The following RARB variants were observed in gnomAD, a reference collection of about 807,000 sequenced individuals.
RARB encodes HBV-activated protein.
In RARB, 17 loss-of-function variants were observed where a neutral mutation model predicts 51.9. That is an observed-to-expected ratio of 0.33 (90% CI 0.22 to 0.49). The LOEUF is 0.49. Ranked by LOEUF, RARB falls within the 20% of genes least tolerant of loss-of-function variation. The pLI is 0.99. For synonymous variants in RARB, 215 were observed against 195.4 expected, an observed-to-expected ratio of 1.10 and a Z score of -0.84; for missense variants, 369 against 550.8, an observed-to-expected ratio of 0.67 and a Z score of 3.30.
intron 2 of RARB, among the ~76,000 whole-genome samples, chr3:24,910,256 G>A (rs539841625): frequency 1.3e-5 from 2 of 152,238 alleles, no homozygotes; most frequent in South Asian, 2.1e-4. Flanking sequence ...GCAAAAAAAC[G>A]TTGAATTGCA....
intron 4 of RARB, among the ~76,000 whole-genome samples, chr3:25,580,176 C>T (rs1315163583): frequency 2.0e-5 from 3 of 152,076 alleles, no homozygotes; most frequent in Admixed American, 6.5e-5. Context: ...AGATCGAGAC[C>T]ATCCTGGCTA....
chr3:25,233,541 A>T (rs1172888726), intron 5 of RARB, among the ~76,000 whole-genome samples: 3 of 152,028 alleles, frequency 2.0e-5, no homozygotes, highest in Non-Finnish European at 4.4e-5. Flanking sequence ...TATTTCTTTT[A>T]ATTACTTTAT....
chr3:25,246,821 G>T (rs1336711062), intron 5 of RARB, among the ~76,000 whole-genome samples: 1 of 152,188 alleles, frequency 6.6e-6, no homozygotes, highest in Non-Finnish European at 1.5e-5. Context: ...TGAGGACGCA[G>T]TCTGTCCCTT....
chr3:25,202,646 C>A (rs969143392), intron 5 of RARB, among the ~76,000 whole-genome samples: 3 of 152,044 alleles, frequency 2.0e-5, no homozygotes, highest in South Asian at 2.1e-4. Context: ...CTTTGTTCTC[C>A]TTGGTTTCAA....
intron 2 of RARB, among the ~76,000 whole-genome samples, chr3:25,003,963 C>A (rs545238343): frequency 6.6e-6 from 1 of 152,212 alleles, no homozygotes; most frequent in South Asian, 2.1e-4. Flanking sequence ...GCATGCAGGT[C>A]ATGCATAATA....
At chr3:24,880,172 A>T (rs1006775612) in intron 2 of RARB, among the ~76,000 whole-genome samples, 5 of 151,454 alleles carry the variant, frequency 3.3e-5, no homozygotes, top group African/African-American at 1.2e-4. Context: ...ATGGATTCTG[A>T]TCTGTTATAC....
At chr3:25,507,574 G>A (rs1697673061) in intron 3 of RARB, among the ~76,000 whole-genome samples, 1 of 152,184 alleles carries the variant, frequency 6.6e-6, no homozygotes, top group Non-Finnish European at 1.5e-5. Flanking sequence ...AGATCTTCTA[G>A]GGCTTTTGCC....
intron 2 of RARB, among the ~76,000 whole-genome samples, chr3:24,900,981 A>C (rs1402319856): frequency 6.6e-6 from 1 of 152,234 alleles, no homozygotes; most frequent in East Asian, 1.9e-4. Context: ...TAGGTTTCCC[A>C]TAACGCAACC....
intron 5 of RARB, among the ~76,000 whole-genome samples, chr3:25,251,878 T>G (rs1273055657): frequency 1.3e-5 from 2 of 152,204 alleles, no homozygotes; most frequent in African/African-American, 4.8e-5. Flanking sequence ...AAGTGCAATT[T>G]ATCAAATTTG....
chr3:25,015,684 C>T (rs947698645), intron 2 of RARB, among the ~76,000 whole-genome samples: 1 of 152,158 alleles, frequency 6.6e-6, no homozygotes, highest in African/African-American at 2.4e-5. Flanking sequence ...CCTATCTACA[C>T]TGTTAGACAT....
intron 5 of RARB, among the ~76,000 whole-genome samples, chr3:25,382,735 G>C (rs148954150): frequency 0.022 from 3,372 of 152,220 alleles, 56 homozygotes; most frequent in Middle Eastern, 0.034. Flanking sequence ...GTGTGCACCT[G>C]TAATCCCAGC....
At chr3:25,364,480 A>G (rs1706050574) in intron 5 of RARB, among the ~76,000 whole-genome samples, 1 of 152,234 alleles carries the variant, frequency 6.6e-6, no homozygotes, top group Non-Finnish European at 1.5e-5. Context: ...TTCACATTCT[A>G]AGATTCATCA....
At chr3:25,411,643 A>G (rs527334328) in intron 5 of RARB, among the ~76,000 whole-genome samples, 1 of 152,326 alleles carries the variant, frequency 6.6e-6, no homozygotes, top group South Asian at 2.1e-4. Context: ...CAGACACTCA[A>G]ATCGCCCGAG....
chr3:25,472,985 A>G (rs189727257), intron 2 of RARB, among the ~76,000 whole-genome samples: 1 of 152,302 alleles, frequency 6.6e-6, no homozygotes, highest in African/African-American at 2.4e-5. Context: ...CACTCCATGG[A>G]ACACCAGATG....
intron 1 of RARB, among the ~76,000 whole-genome samples, chr3:24,837,245 GGT>G (rs1230017968): frequency 6.6e-6 from 1 of 152,172 alleles, no homozygotes; most frequent in Non-Finnish European, 1.5e-5. Context: ...ATCTGCAACT[GGT>G]AGAGATCACA....
chr3:25,439,795 T>C (rs991446235), intron 1 of RARB, among the ~76,000 whole-genome samples: 2 of 152,236 alleles, frequency 1.3e-5, no homozygotes, highest in East Asian at 1.9e-4. Context: ...TGCTGAATTA[T>C]ATATTTTGAG....
rs1362754597 is a variant in RARB at position 25,597,225 on chromosome 3, G to GCTCTCAAA, written c.*612_*619dup. ...GAAGCTTGTCTTTGCTCTTTCTGAT[G>GCTCTCAAA]CTCTCAAACTGCATCTTTTATTTCA... On this transcript the variant is annotated 3_prime_UTR_variant, in exon 8 of 8. Transcript: ENST00000330688. The GCTCTCAAA allele has an allele frequency of 6.6e-6, 1 of 152,580 alleles. No homozygotes were observed. Among genetic ancestry groups the GCTCTCAAA allele is most frequent in the African/African-American group, 2.4e-5 (1 of 41,428 alleles). 9.5% of individuals were successfully genotyped at this position (152,580 alleles called of 1,614,324 possible). A position where few individuals can be genotyped will look rare whatever the true frequency, so the allele number is the denominator to read the frequency against.
intron 5 of RARB, among the ~76,000 whole-genome samples, chr3:25,265,904 G>C (rs1282720321): frequency 2.0e-5 from 3 of 152,104 alleles, no homozygotes; most frequent in African/African-American, 7.2e-5. Flanking sequence ...GCTTTGCTTG[G>C]TACAAGCTCT....
chr3:24,950,855 C>T (rs969856364), intron 2 of RARB, among the ~76,000 whole-genome samples: 1 of 152,072 alleles, frequency 6.6e-6, no homozygotes, highest in African/African-American at 2.4e-5. Context: ...GGGCCAGCAC[C>T]ATCAACGTGC....
Sources: gnomAD v4.1 joint callset for allele counts (sites outside exome capture counted in the v4.1 genomes callset) on GRCh38, gnomAD v4.1.1 for gene constraint, MANE v1.5 for transcripts, NCBI Gene and HGNC (gene_info 2026-07-23, HGNC 2026-07-21) for gene names.